CAPN9: variants seen among roughly 807,000 people sequenced by gnomAD.
CAPN9 encodes the protein calpain-9.
Under a neutral mutation model 92.8 loss-of-function variants are expected in CAPN9, and 81 were observed. The observed-to-expected ratio is 0.87, with a 90% confidence interval of 0.73 to 1.05. CAPN9 has a LOEUF of 1.05. Among genes scored for constraint, CAPN9 ranks in the 50% least tolerant of loss-of-function variants. The pLI is 0.00. For synonymous variants in CAPN9, 304 were observed against 328.0 expected (o/e 0.93, Z 0.79); for missense variants, 848 against 866.2 (o/e 0.98, Z 0.26).
rs150514769 is a variant in CAPN9 at position 230,758,023 on chromosome 1, T to C, written c.284-1489T>C. 1.9e-3 allele frequency among the ~76,000 whole-genome samples: 293 copies of C among 152,164 alleles called. 2 individuals carry two copies. The highest frequency in any genetic ancestry group is 6.9e-3 in the African/African-American group (288 of 41,522). The stretch of plus-strand genomic sequence containing the variant: ...ACGCTGACCCACAGAGGGCACTTCT[T>C]CCAGGCACAGCTGGGTGGCCAGCCC... On this transcript the variant is annotated intron_variant, in intron 2 of 19. Coordinates refer to ENST00000271971, the MANE Select transcript of CAPN9 (RefSeq NM_006615.3).
intron 13 of CAPN9, 128 bp downstream of exon 13, chr1:230,787,730 A>G: frequency 1.3e-6 from 1 of 761,276 alleles, no homozygotes. Context: ...GTTGCAAAGT[A>G]AGACCAGCAC....
chr1:230,758,848 C>G (rs1488305792), intron 2 of CAPN9, among the ~76,000 whole-genome samples: 4 of 152,220 alleles, frequency 2.6e-5, no homozygotes, highest in South Asian at 2.1e-4. Flanking sequence ...AGACACAGCC[C>G]ACACTCAGTG....
chr1:230,775,237 G>T (rs190553735), intron 8 of CAPN9, among the ~76,000 whole-genome samples: 5 of 152,184 alleles, frequency 3.3e-5, no homozygotes, highest in African/African-American at 1.2e-4. Context: ...CACCTCCTTG[G>T]CACTCTTTGT....
intron 4 of CAPN9, among the ~76,000 whole-genome samples, chr1:230,767,130 T>C (rs1414634008): frequency 6.6e-6 from 1 of 152,172 alleles, no homozygotes; most frequent in Non-Finnish European, 1.5e-5. Flanking sequence ...CCCCGTTCCA[T>C]GGGAGGTTAG....
intron 12 of CAPN9, chr1:230,786,364 G>A (rs1015213671): frequency 1.8e-5 from 3 of 164,636 alleles, no homozygotes; most frequent in Non-Finnish European, 2.5e-5. Context: ...GAAGGTGCAT[G>A]CCATAGTAAA....
chr1:230,792,141 G>A (rs2102929057), intron 15 of CAPN9, among the ~76,000 whole-genome samples: 1 of 152,282 alleles, frequency 6.6e-6, no homozygotes, highest in South Asian at 2.1e-4. Context: ...TGGGGGTGGG[G>A]AGCTTTTGAA....
chr1:230,753,408 A>G (rs937660014), intron 1 of CAPN9, among the ~76,000 whole-genome samples: 1 of 151,976 alleles, frequency 6.6e-6, no homozygotes, highest in Non-Finnish European at 1.5e-5. Context: ...GGTGTCTGTC[A>G]CTCCTCCAGG....
intron 7 of CAPN9, among the ~76,000 whole-genome samples, chr1:230,774,150 C>A (rs1382472508): frequency 2.0e-5 from 3 of 152,224 alleles, no homozygotes; most frequent in African/African-American, 7.2e-5. Flanking sequence ...GTCAGCTTGT[C>A]CATTAAGGAA....
In CAPN9 at chr1:230,772,095, G is replaced by A. The variant is rs200448422; in HGVS notation, c.871G>A (p.Asp291Asn). 8.1e-6 allele frequency: 13 copies of A among 1,614,058 alleles called. No individual in the cohort carries two copies. The highest frequency in any genetic ancestry group is 5.5e-5 in the South Asian group (5 of 91,082). ...GQVEWNGSWSDSSPEWRSVGP... is the reference protein window; with the variant it reads ...GQVEWNGSWSNSSPEWRSVGP... ...GGTTGAGTGGAACGGGTCGTGGAGC[G>A]ACAGGTCAGTCACCCTATCCTGCCT... The change falls in exon 7 of 20, where the codon GAC becomes AAC. Residue 291 changes from aspartate to asparagine, a missense_variant. Physicochemically the swap from Asp to Asn is conservative, Grantham distance 23 (BLOSUM62 1). Coordinates refer to ENST00000271971, the MANE Select transcript of CAPN9 (RefSeq NM_006615.3).
chr1:230,771,612 A>G (rs763176483), intron 6 of CAPN9, among the ~76,000 whole-genome samples: 23 of 152,230 alleles, frequency 1.5e-4, no homozygotes, highest in Non-Finnish European at 1.8e-4. Context: ...ACCTTTGAGG[A>G]CTACTCTTTA....
intron 16 of CAPN9, 68 bp from the exon 17 acceptor site, chr1:230,792,782 C>A: frequency 7.5e-7 from 1 of 1,332,612 alleles, no homozygotes; most frequent in Non-Finnish European, 1.1e-6. Flanking sequence ...GGCTGTCACC[C>A]ATTTACTGCC....
At chr1:230,762,615 C>T (rs1665712557) in intron 3 of CAPN9, 38 bp from the exon 4 acceptor site, 2 of 1,608,184 alleles carry the variant, frequency 1.2e-6, no homozygotes, top group Non-Finnish European at 1.7e-6. Context: ...TCCCATGTAG[C>T]TGACTCGCAT....
At chr1:230,767,819 C>A (rs1357551522) in intron 5 of CAPN9, 110 bp downstream of exon 5, 33 of 954,170 alleles carry the variant, frequency 3.5e-5, no homozygotes, top group East Asian at 5.4e-5. Flanking sequence ...CAAGGAGGGG[C>A]ATAACTCTTG....
At chr1:230,792,380 T>G in intron 15 of CAPN9, 46 bp from the exon 16 acceptor site, 1 of 1,551,102 alleles carries the variant, frequency 6.4e-7, no homozygotes, top group Non-Finnish European at 8.9e-7. Context: ...ACGAGGAGCC[T>G]CAGGTTGAAA....
intron 1 of CAPN9, among the ~76,000 whole-genome samples, chr1:230,748,007 A>C (rs1664537560): frequency 6.6e-6 from 1 of 152,128 alleles, no homozygotes; most frequent in Non-Finnish European, 1.5e-5. Flanking sequence ...AGCAGGTGAT[A>C]GGCACGAATC....
Position 230,780,191 on chromosome 1 carries a change from C to T in CAPN9, c.1127C>T (p.Thr376Ile), listed in dbSNP as rs768422026. Residue 376 changes from threonine to isoleucine, a missense_variant, in exon 10 of 20, where the codon ACC becomes ATC. Physicochemically the swap from Thr to Ile is moderately conservative, Grantham distance 89. Transcript: ENST00000271971. ...GCRNFLDTFW[T>I]NPQIKLSLTE... ...TCCCAAATGACAGATACCTTTTGGA[C>T]CAATCCACAAATAAAATTGTCTCTG... 1 of 1,612,956 alleles carries T rather than the reference C, an allele frequency of 6.2e-7. No homozygotes were observed. Among genetic ancestry groups the T allele is most frequent in the Non-Finnish European group, 8.5e-7 (1 of 1,179,714 alleles).
intron 15 of CAPN9, 86 bp downstream of exon 15, chr1:230,792,014 C>A: frequency 1.0e-6 from 1 of 960,608 alleles, no homozygotes; most frequent in Non-Finnish European, 1.7e-6. Context: ...GCAGACTCTC[C>A]AAGAACATGA....
intron 11 of CAPN9, among the ~76,000 whole-genome samples, chr1:230,783,220 C>T (rs910922210): frequency 4.6e-5 from 7 of 152,202 alleles, no homozygotes; most frequent in Admixed American, 2.0e-4. Context: ...CTACAAAACA[C>T]TTTATCAGTT....
At position 230,770,060 on chromosome 1, in the gene CAPN9, G is replaced by A. The variant is rs114805515; in HGVS notation, c.789+797G>A. On this transcript the variant is annotated intron_variant, in intron 6 of 19. Transcript: ENST00000271971. ...ACAAGATTTTTTGACAATGCAGGAGGGTTGGCACCCCAACCCCTGACATTG... is the reference window on the plus strand; with the variant it reads ...ACAAGATTTTTTGACAATGCAGGAGAGTTGGCACCCCAACCCCTGACATTG... 3.5e-3 allele frequency among the ~76,000 whole-genome samples: 527 copies of A among 152,234 alleles called. 6 individuals are homozygous for A. The highest frequency in any genetic ancestry group is 0.012 in the African/African-American group (507 of 41,536).
Sources: allele counts gnomAD v4.1 joint callset (sites outside exome capture counted in the v4.1 genomes callset), GRCh38; gene constraint gnomAD v4.1.1; transcripts MANE v1.5; gene names NCBI Gene and HGNC (gene_info 2026-07-23, HGNC 2026-07-21).